WFDC8: variants seen among roughly 807,000 people sequenced by gnomAD.
WFDC8 encodes the protein WAP four-disulfide core domain 8.
Under a neutral mutation model 27.0 loss-of-function variants are expected in WFDC8, and 24 were observed. The observed-to-expected ratio is 0.89, with a 90% CI of 0.64 to 1.25. The LOEUF (loss-of-function observed/expected upper bound fraction) is 1.25, where lower values mean the gene tolerates loss of function less well. WFDC8 is among the 50% of genes most tolerant of loss of function. WFDC8 has a pLI of 0.00. For missense variants in WFDC8, 287 were observed against 295.9 expected (o/e 0.97, Z 0.22); for synonymous variants, 106 against 99.7 (o/e 1.06, Z -0.38).
chr20:45,574,668 C>T (rs1980984566), intron 1 of WFDC8, among the ~76,000 whole-genome samples: 2 of 152,130 alleles, frequency 1.3e-5, no homozygotes, highest in South Asian at 4.2e-4. Context: ...CATGGTGACA[C>T]ATCCCCATAA....
At chr20:45,577,275 G>A (rs1981077190) in intron 1 of WFDC8, among the ~76,000 whole-genome samples, 3 of 151,588 alleles carry the variant, frequency 2.0e-5, no homozygotes, top group South Asian at 4.2e-4. Context: ...TGTCCTAAGA[G>A]CAAGAGGCCT....
At chr20:45,571,589 A>G (rs1980871409) in intron 1 of WFDC8, among the ~76,000 whole-genome samples, 1 of 152,158 alleles carries the variant, frequency 6.6e-6, no homozygotes, top group South Asian at 2.1e-4. Context: ...TCTAACTGAA[A>G]CTTTATCCCC....
chr20:45,560,081 A>G (rs1188353432), intron 2 of WFDC8, among the ~76,000 whole-genome samples: 1 of 152,212 alleles, frequency 6.6e-6, no homozygotes, highest in Non-Finnish European at 1.5e-5. Flanking sequence ...TTAAGGTCTA[A>G]TCTCTGGCCC....
At chr20:45,564,952 G>GGAAC (rs1980609038) in intron 1 of WFDC8, among the ~76,000 whole-genome samples, 1 of 99,066 alleles carries the variant, frequency 1.0e-5, no homozygotes, top group South Asian at 2.8e-4. Flanking sequence ...AAAGAAAGAA[G>GGAAC]GAAGGAAGGA....
At chr20:45,569,823 G>C (rs956823974) in intron 1 of WFDC8, among the ~76,000 whole-genome samples, 1 of 152,114 alleles carries the variant, frequency 6.6e-6, no homozygotes, top group Non-Finnish European at 1.5e-5. Flanking sequence ...AAGAAAATGT[G>C]ATACATACAC....
chr20:45,562,152 C>G lies in WFDC8; in HGVS notation c.94G>C (p.Ala32Pro). Reference protein sequence around the residue: ...NVAFLLLLSLALEWTSAMLTK... With the variant: ...NVAFLLLLSLPLEWTSAMLTK... ...AGCATTGCAGAAGTCCACTCCAAAGCAAGGGAGAGAAGCAGCAGGAAAGCT... is the reference window on the plus strand; with the variant it reads ...AGCATTGCAGAAGTCCACTCCAAAGGAAGGGAGAGAAGCAGCAGGAAAGCT... The change falls in exon 2 of 6, where the codon GCT becomes CCT. Residue 32 changes from alanine (A) to proline (P), a missense_variant. Transcript: ENST00000289953. The G allele has an allele frequency of 3.1e-6, 5 of 1,614,116 alleles. No individual in the cohort carries two copies. Among genetic ancestry groups the G allele is most frequent in the Non-Finnish European group, 4.2e-6 (5 of 1,180,028 alleles).
At chr20:45,555,926 C>A in intron 3 of WFDC8, 58 bp from the exon 4 acceptor site, 1 of 1,545,124 alleles carries the variant, frequency 6.5e-7, no homozygotes, top group South Asian at 1.1e-5. Flanking sequence ...AGAACAGGGT[C>A]AGTTCCCTAG....
chr20:45,568,149 T>G (rs953197559), intron 1 of WFDC8: 3 of 348,646 alleles, frequency 8.6e-6, no homozygotes, highest in Non-Finnish European at 1.7e-5. Context: ...CACTACCCAA[T>G]TTCCAACTGG....
intron 1 of WFDC8, among the ~76,000 whole-genome samples, chr20:45,578,809 CT>C (rs1474015084): frequency 6.6e-6 from 1 of 152,172 alleles, no homozygotes; most frequent in East Asian, 1.9e-4. Flanking sequence ...AAATATCAAA[CT>C]TTACCTTGCT....
chr20:45,570,415 A>G (rs1475713577), intron 1 of WFDC8, among the ~76,000 whole-genome samples: 4 of 150,162 alleles, frequency 2.7e-5, no homozygotes, highest in South Asian at 2.1e-4. Context: ...ATATATTTTA[A>G]AAAATTATGT....
rs76878737 is a variant in WFDC8, at chr20:45,573,161, T to C, written c.26+6061A>G. Among the ~76,000 whole-genome samples the C allele has an allele frequency of 6.5e-3, 986 of 152,352 alleles. 35 individuals are homozygous for C. The East Asian group carries it at 0.1, about 16-fold the overall frequency. On this transcript the variant is annotated intron_variant, in intron 1 of 5. Transcript: ENST00000289953. The stretch of plus-strand genomic sequence containing the variant: ...CTAGTTTTACTTCTGTTTCTTGTGA[T>C]TTTAGGGTCATATCCAAGAAATCAT...
chr20:45,578,459 C>T (rs528520156), intron 1 of WFDC8, among the ~76,000 whole-genome samples: 19 of 151,540 alleles, frequency 1.3e-4, no homozygotes, highest in Middle Eastern at 3.5e-3. Context: ...GGGACCAAGA[C>T]AAAAGAAGCA....
chr20:45,555,631 G>T, intron 4 of WFDC8, 70 bp downstream of exon 4: 1 of 1,560,960 alleles, frequency 6.4e-7, no homozygotes, highest in Non-Finnish European at 8.8e-7. Context: ...CAAATCCTGA[G>T]CCTATAACCT....
At chr20:45,554,308 G>A (rs1395918425) in intron 4 of WFDC8, among the ~76,000 whole-genome samples, 5 of 152,100 alleles carry the variant, frequency 3.3e-5, no homozygotes, top group African/African-American at 1.2e-4. Flanking sequence ...GATTATAGGT[G>A]TGAGCTACTG....
At chr20:45,578,303 C>G (rs1240072106) in intron 1 of WFDC8, among the ~76,000 whole-genome samples, 1 of 151,388 alleles carries the variant, frequency 6.6e-6, no homozygotes, top group Non-Finnish European at 1.5e-5. Flanking sequence ...CAGAACATAA[C>G]TACCCCCAAG....
chr20:45,553,865 A>T (rs1368164071), intron 4 of WFDC8, among the ~76,000 whole-genome samples: 3 of 152,152 alleles, frequency 2.0e-5, no homozygotes, highest in African/African-American at 7.2e-5. Flanking sequence ...TAACTAACTT[A>T]ATGGATGTTA....
chr20:45,579,161 C>T, intron 1 of WFDC8, 61 bp downstream of exon 1: 1 of 1,551,524 alleles, frequency 6.4e-7, no homozygotes, highest in Non-Finnish European at 8.9e-7. Flanking sequence ...GTATCCTCCT[C>T]ATCTCCTTGG....
chr20:45,552,969 G>A (rs1354690396), intron 5 of WFDC8, among the ~76,000 whole-genome samples, 167 bp downstream of exon 5: 1 of 152,200 alleles, frequency 6.6e-6, no homozygotes, highest in Non-Finnish European at 1.5e-5. Context: ...GTCTTCAGAG[G>A]TCAAGAGGTC....
At chr20:45,568,547 G>A (rs1477634760) in intron 1 of WFDC8, 1 of 450,994 alleles carries the variant, frequency 2.2e-6, no homozygotes, top group African/African-American at 2.0e-5. Flanking sequence ...CCAAGTACTT[G>A]GGAGCTAATG....
Sources: gnomAD v4.1 joint callset for allele counts (sites outside exome capture counted in the v4.1 genomes callset) on GRCh38, gnomAD v4.1.1 for gene constraint, MANE v1.5 for transcripts, NCBI Gene and HGNC (gene_info 2026-07-23, HGNC 2026-07-21) for gene names.